The following ZNF451 variants were observed in gnomAD, a reference collection of about 807,000 sequenced individuals.
The protein encoded by ZNF451 is E3 SUMO-protein ligase ZNF451.
A neutral mutation model predicts 107.1 loss-of-function variants in ZNF451; 80 were observed. The ratio of observed to expected loss-of-function variants is 0.75; its 90% CI spans 0.62 to 0.90. The LOEUF is 0.90. Ranked by LOEUF, ZNF451 falls within the 40% of genes least tolerant of loss-of-function variation. The probability of loss-of-function intolerance (pLI) is 0.00; values close to 1 mark genes in which losing one functional copy is unlikely to be tolerated. For missense variants in ZNF451, 1,107 were observed against 1,236.2 expected, an observed-to-expected ratio of 0.90 and a Z score of 1.57; for synonymous variants, 362 against 406.5, an observed-to-expected ratio of 0.89 and a Z score of 1.32.
In ZNF451 at chr6:57,168,324, T is replaced by C. The variant is rs187288141; in HGVS notation, c.3140-99T>C. The C allele has an allele frequency of 3.4e-5, 28 of 815,616 alleles. No homozygotes were observed. In the Admixed American group the frequency reaches 6.7e-4, roughly 20 times the overall value. The allele number at this position is 815,616 out of a possible 1,614,324, so 50.5% of individuals were successfully genotyped here. ...TGTGTTTTTCCATTTTGATTTTACT[T>C]TCCTTCTTGAAAAGAATACAGTCGA... On this transcript the variant is annotated intron_variant, in intron 14 of 14. Coordinates refer to ENST00000370706, the MANE Select transcript of ZNF451 (RefSeq NM_001031623.3).
intron 11 of ZNF451, chr6:57,151,678 A>G (rs1832357891): frequency 6.6e-6 from 1 of 152,374 alleles, no homozygotes; most frequent in South Asian, 2.1e-4. Context: ...TTAAGTGTTC[A>G]GCTTCATCTA....
At chr6:57,155,451 G>A (rs1763374260) in intron 13 of ZNF451, among the ~76,000 whole-genome samples, 1 of 152,114 alleles carries the variant, frequency 6.6e-6, no homozygotes, top group African/African-American at 2.4e-5. Context: ...GCACCATTGC[G>A]CTCCAGCCTG....
chr6:57,161,486 C>G (rs1296365596), intron 14 of ZNF451, among the ~76,000 whole-genome samples: 2 of 149,548 alleles, frequency 1.3e-5, no homozygotes, highest in African/African-American at 4.9e-5. Flanking sequence ...TAGAGCCCCT[C>G]CACCCCCGCC....
At chr6:57,140,855 C>T (rs1831720649) in intron 7 of ZNF451, among the ~76,000 whole-genome samples, 1 of 152,100 alleles carries the variant, frequency 6.6e-6, no homozygotes, top group African/African-American at 2.4e-5. Context: ...TTTGATAAAA[C>T]AATGACATTC....
chr6:57,130,947 A>C (rs1831151945), intron 5 of ZNF451, among the ~76,000 whole-genome samples: 1 of 152,068 alleles, frequency 6.6e-6, no homozygotes, highest in East Asian at 1.9e-4. Context: ...TATTGCTTGA[A>C]CAGCTGTGTA....
intron 3 of ZNF451, chr6:57,099,441 C>G: frequency 1.4e-6 from 1 of 716,156 alleles, no homozygotes; most frequent in South Asian, 1.5e-5. Flanking sequence ...ATTCCTCTTT[C>G]CCTTCTCTTT....
chr6:57,099,715 C>A, intron 3 of ZNF451: 1 of 507,936 alleles, frequency 2.0e-6, no homozygotes, highest in Non-Finnish European at 3.5e-6. Flanking sequence ...TTCCCTTGCT[C>A]TGAGAATTGA....
At position 57,148,188 on chromosome 6, in the gene ZNF451, T is replaced by G. The variant is rs111264601; in HGVS notation, c.2103T>G (p.Thr701=). ...ATTATGTATTTGTGTCAGAAAAAAC[T>G]GAAACTTCAATTAAAACCGAAGATG... ...SIDYVFVSEK[T]ETSIKTEDDF... The change falls in exon 10 of 15, where the codon ACT becomes ACG. Residue 701 remains threonine, a synonymous_variant. Coordinates refer to ENST00000370706, the MANE Select transcript of ZNF451 (RefSeq NM_001031623.3). 3,728 of 1,614,046 alleles carry G rather than the reference T, an allele frequency of 2.3e-3. 22 individuals are homozygous for G. Among genetic ancestry groups the G allele is most frequent in the Middle Eastern group, 3.5e-3 (21 of 6,062 alleles).
intron 14 of ZNF451, among the ~76,000 whole-genome samples, chr6:57,166,102 A>C (rs1763884871): frequency 6.6e-6 from 1 of 150,946 alleles, no homozygotes; most frequent in Non-Finnish European, 1.5e-5. Flanking sequence ...ATCTTGGCTC[A>C]CTGCAACCTC....
chr6:57,131,890 T>C (rs10484410), intron 5 of ZNF451, among the ~76,000 whole-genome samples: 16,222 of 152,242 alleles, frequency 0.11, 1,105 homozygotes, highest in Middle Eastern at 0.17. Context: ...TGTTTTGCAA[T>C]TGTTTTTTAT....
chr6:57,118,568 G>C (rs747235090), intron 3 of ZNF451, among the ~76,000 whole-genome samples: 2 of 151,908 alleles, frequency 1.3e-5, no homozygotes, highest in African/African-American at 2.4e-5. Flanking sequence ...TTGGAGCCTC[G>C]ATCTCCTGGG....
At chr6:57,109,249 G>A (rs776262616) in intron 3 of ZNF451, 8 of 984,504 alleles carry the variant, frequency 8.1e-6, no homozygotes, top group Non-Finnish European at 9.6e-6. Context: ...TATTGCTTGA[G>A]TTTTTTCTTT....
At chr6:57,100,535 T>C in intron 3 of ZNF451, 1 of 1,430,278 alleles carries the variant, frequency 7.0e-7, no homozygotes. Context: ...TCTCTGCACT[T>C]GAAAGTTAAC....
At chr6:57,110,021 T>A (rs1464574325) in intron 3 of ZNF451, among the ~76,000 whole-genome samples, 3 of 152,120 alleles carry the variant, frequency 2.0e-5, no homozygotes, top group Non-Finnish European at 4.4e-5. Context: ...AGAATGCCTG[T>A]GGTGATGGAA....
chr6:57,147,195 C>A lies in ZNF451; in HGVS notation c.1110C>A (p.Val370=). 1 of 1,614,062 alleles carries A rather than the reference C, an allele frequency of 6.2e-7. No individual in the cohort carries two copies. Among genetic ancestry groups the A allele is most frequent in the Non-Finnish European group, 8.5e-7 (1 of 1,179,964 alleles). ...LRGYCPDCNQ[V]FVDETSTQNH... ...GTTATTGTCCAGATTGCAATCAAGT[C>A]TTTGTGGATGAAACCAGCACCCAAA... The change falls in exon 10 of 15, where the codon GTC becomes GTA. Residue 370 remains valine, a synonymous_variant. Coordinates refer to ENST00000370706, the MANE Select transcript of ZNF451 (RefSeq NM_001031623.3).
intron 3 of ZNF451, chr6:57,107,456 A>G: frequency 2.0e-6 from 2 of 985,392 alleles, no homozygotes; most frequent in Non-Finnish European, 2.4e-6. Context: ...TTGAACTTAA[A>G]TCAACTTTTA....
intron 3 of ZNF451, chr6:57,102,640 C>G (rs1829661526): frequency 1.0e-6 from 1 of 985,716 alleles, no homozygotes; most frequent in Admixed American, 6.1e-5. Context: ...AGAGTCCGTA[C>G]TACTATCAAG....
chr6:57,122,653 C>A (rs533530025), intron 3 of ZNF451, among the ~76,000 whole-genome samples: 1 of 152,128 alleles, frequency 6.6e-6, no homozygotes, highest in East Asian at 1.9e-4. Context: ...CAGAGAGATG[C>A]AAATCAAAAT....
intron 3 of ZNF451, among the ~76,000 whole-genome samples, chr6:57,117,919 T>C (rs1830449450): frequency 6.6e-6 from 1 of 152,194 alleles, no homozygotes; most frequent in South Asian, 2.1e-4. Context: ...TTACCTAAAT[T>C]TATCCAAAAC....
Sources: gnomAD v4.1 joint callset for allele counts (sites outside exome capture counted in the v4.1 genomes callset) on GRCh38, gnomAD v4.1.1 for gene constraint, MANE v1.5 for transcripts, NCBI Gene and HGNC (gene_info 2026-07-23, HGNC 2026-07-21) for gene names.